Variants in GALNTL6 observed in about 807,000 individuals in gnomAD.
GALNTL6 encodes the protein polypeptide N-acetylgalactosaminyltransferase like 6.
A neutral mutation model predicts 73.7 loss-of-function variants in GALNTL6; 46 were observed. That is an observed-to-expected ratio of 0.62 (90% CI 0.49 to 0.80). The LOEUF (loss-of-function observed/expected upper bound fraction) is 0.80. GALNTL6 is among the 30% of genes least tolerant of loss of function. GALNTL6 has a pLI of 0.00. For synonymous variants in GALNTL6, 259 were observed against 263.7 expected (o/e 0.98, Z 0.17); for missense variants, 604 against 755.0 (o/e 0.80, Z 2.34).
intron 2 of GALNTL6, among the ~76,000 whole-genome samples, chr4:172,065,667 C>G (rs958854173): frequency 1.3e-5 from 2 of 152,020 alleles, no homozygotes; most frequent in African/African-American, 4.8e-5. Context: ...TAATACCTAA[C>G]TGTGTTAGTC....
chr4:172,301,864 G>A (rs909776958), intron 3 of GALNTL6, among the ~76,000 whole-genome samples: 22 of 152,240 alleles, frequency 1.4e-4, no homozygotes, highest in East Asian at 9.7e-4. Flanking sequence ...CTCCAGCTGC[G>A]TTGCTGGGAG....
chr4:171,962,214 G>C (rs1020056834), intron 2 of GALNTL6, among the ~76,000 whole-genome samples: 1 of 152,124 alleles, frequency 6.6e-6, no homozygotes, highest in Admixed American at 6.6e-5. Flanking sequence ...CCTTGTAAAA[G>C]GAAGGAGAGA....
rs557701079 is a variant in GALNTL6, at chr4:172,844,245, G to A, written c.923+30522G>A. Among the ~76,000 whole-genome samples the A allele has an allele frequency of 3.3e-5, 5 of 152,246 alleles. No homozygotes were observed. In the East Asian group the frequency reaches 9.7e-4, roughly 29 times the overall value. On this transcript the variant is annotated intron_variant, in intron 7 of 12. Transcript: ENST00000506823. ...TTCCACGGTGGGAAGGGCTGGGAAA[G>A]GCACTGGCTCAACTGCGTGTTACTA...
chr4:172,026,909 T>C (rs1260156817), intron 2 of GALNTL6, among the ~76,000 whole-genome samples: 3 of 152,034 alleles, frequency 2.0e-5, no homozygotes, highest in African/African-American at 7.2e-5. Flanking sequence ...TGAGAAAGGG[T>C]CTCACTCTGT....
At chr4:172,644,266 AATGT>A (rs1319860082) in intron 5 of GALNTL6, among the ~76,000 whole-genome samples, 2 of 151,550 alleles carry the variant, frequency 1.3e-5, no homozygotes, top group African/African-American at 4.8e-5. Context: ...TGTGTGTATG[AATGT>A]ATGAGTGAAC....
intron 5 of GALNTL6, among the ~76,000 whole-genome samples, chr4:172,748,380 CAA>C (rs1266621218): frequency 3.3e-5 from 5 of 152,156 alleles, no homozygotes; most frequent in East Asian, 3.9e-4. Flanking sequence ...TGGGAGGAAA[CAA>C]GAGTACTTGA....
intron 2 of GALNTL6, among the ~76,000 whole-genome samples, chr4:172,173,924 G>A (rs1415453394): frequency 3.3e-5 from 5 of 152,160 alleles, no homozygotes; most frequent in African/African-American, 1.2e-4. Flanking sequence ...GACTGTGGTG[G>A]AGAAGAGGGG....
At chr4:172,940,358 A>C (rs1219691802) in intron 9 of GALNTL6, among the ~76,000 whole-genome samples, 1 of 151,908 alleles carries the variant, frequency 6.6e-6, no homozygotes, top group Non-Finnish European at 1.5e-5. Flanking sequence ...TAGAATACAG[A>C]AAGTAATTTT....
chr4:172,964,369 G>A (rs1232069702), intron 10 of GALNTL6, among the ~76,000 whole-genome samples: 9 of 152,142 alleles, frequency 5.9e-5, no homozygotes, highest in Admixed American at 4.6e-4. Context: ...ATAGACAAAC[G>A]TGTCTTTTCC....
chr4:172,891,743 T>C (rs1346487168), intron 8 of GALNTL6, among the ~76,000 whole-genome samples: 3 of 152,202 alleles, frequency 2.0e-5, no homozygotes, highest in Non-Finnish European at 4.4e-5. Context: ...CCAAATTGCC[T>C]ATTCTTTCTT....
chr4:172,449,587 G>C (rs1732140310), intron 5 of GALNTL6, among the ~76,000 whole-genome samples: 1 of 152,084 alleles, frequency 6.6e-6, no homozygotes, highest in South Asian at 2.1e-4. Flanking sequence ...TCTTCTCCAG[G>C]TTCCATAAAA....
chr4:172,734,529 G>A (rs1054700659), intron 5 of GALNTL6, among the ~76,000 whole-genome samples: 5 of 152,122 alleles, frequency 3.3e-5, no homozygotes, highest in African/African-American at 1.2e-4. Context: ...AAACCTCAAA[G>A]CTCCAAAATA....
chr4:172,726,914 C>T (rs1489121213), intron 5 of GALNTL6, among the ~76,000 whole-genome samples: 3 of 152,174 alleles, frequency 2.0e-5, no homozygotes, highest in Non-Finnish European at 4.4e-5. Flanking sequence ...AGGTCATCTT[C>T]ATTAATGATT....
Position 172,488,009 on chromosome 4 carries a change from G to C in GALNTL6, c.553+139320G>C, listed in dbSNP as rs1379514816. Among the ~76,000 whole-genome samples, 5 of 152,056 alleles carry C rather than the reference G, an allele frequency of 3.3e-5. No homozygotes were observed. In the South Asian group the frequency reaches 1.0e-3, roughly 32 times the overall value. On this transcript the variant is annotated intron_variant, in intron 5 of 12. Coordinates refer to ENST00000506823, the MANE Select transcript of GALNTL6 (RefSeq NM_001034845.3). ...AATCATTATCTTTAATTATTATTTT[G>C]AATAATGATAATGGTGCATACTATT...
chr4:172,427,342 A>T (rs911019975), intron 5 of GALNTL6, among the ~76,000 whole-genome samples: 7 of 152,176 alleles, frequency 4.6e-5, no homozygotes, highest in African/African-American at 2.4e-5. Flanking sequence ...ACTCTCCTTT[A>T]TAAAACCATC....
intron 2 of GALNTL6, among the ~76,000 whole-genome samples, chr4:172,216,085 A>G (rs1465673060): frequency 6.6e-6 from 1 of 152,164 alleles, no homozygotes; most frequent in Non-Finnish European, 1.5e-5. Flanking sequence ...AGGTTAATTG[A>G]GAATAAGAAA....
chr4:172,658,914 C>G (rs141452695), intron 5 of GALNTL6, among the ~76,000 whole-genome samples: 190 of 152,110 alleles, frequency 1.2e-3, no homozygotes, highest in African/African-American at 4.4e-3. Flanking sequence ...AGTTTCTTCA[C>G]CTTAAAAAAA....
intron 5 of GALNTL6, among the ~76,000 whole-genome samples, chr4:172,433,462 G>C (rs1731528765): frequency 6.6e-6 from 1 of 152,046 alleles, no homozygotes; most frequent in South Asian, 2.1e-4. Flanking sequence ...CTGCCTGATG[G>C]ACACGGCTTA....
At chr4:172,816,873 G>A (rs1032177713) in intron 7 of GALNTL6, among the ~76,000 whole-genome samples, 4 of 151,876 alleles carry the variant, frequency 2.6e-5, no homozygotes, top group Non-Finnish European at 4.4e-5. Context: ...TTGGGAGGCT[G>A]AAGTGGGTGG....
Sources: gnomAD v4.1 joint callset for allele counts (sites outside exome capture counted in the v4.1 genomes callset) on GRCh38, gnomAD v4.1.1 for gene constraint, MANE v1.5 for transcripts, NCBI Gene and HGNC (gene_info 2026-07-23, HGNC 2026-07-21) for gene names.